The following OR2L13 variants were observed in gnomAD, a reference collection of about 807,000 sequenced individuals.
The protein encoded by OR2L13 is olfactory receptor 2L13.
OR2L13 carries 14 observed loss-of-function variants against 15.3 expected under a neutral mutation model. The observed-to-expected ratio is 0.91, with a 90% CI of 0.60 to 1.43. The LOEUF (loss-of-function observed/expected upper bound fraction) is 1.43. Among genes scored for constraint, OR2L13 ranks in the 40% most tolerant of loss-of-function variants. The pLI is 0.00. For missense variants in OR2L13, 367 were observed against 387.9 expected, an observed-to-expected ratio of 0.95 and a Z score of 0.45; for synonymous variants, 152 against 142.9, an observed-to-expected ratio of 1.06 and a Z score of -0.45.
At chr1:247,990,330 A>C in the OR2L13 span, 1 of 1,400,922 alleles carries the variant, frequency 7.1e-7, no homozygotes, top group African/African-American at 1.4e-5. Context: ...ACCACCAAAA[A>C]TTGGCCATTT....
chr1:247,973,802 A>T, the OR2L13 span, among the ~76,000 whole-genome samples: 1 of 152,200 alleles, frequency 6.6e-6, no homozygotes, highest in Non-Finnish European at 1.5e-5. Context: ...GCAAGTGGAG[A>T]AATAGGAAAG....
At chr1:247,964,914 G>T in the OR2L13 span, among the ~76,000 whole-genome samples, 1 of 148,838 alleles carries the variant, frequency 6.7e-6, no homozygotes, top group Non-Finnish European at 1.5e-5. Flanking sequence ...AAATACACAT[G>T]AGTAATATGT....
chr1:247,971,440 G>C, the OR2L13 span, among the ~76,000 whole-genome samples: 2 of 152,120 alleles, frequency 1.3e-5, no homozygotes, highest in Non-Finnish European at 2.9e-5. Flanking sequence ...CAGCCAATTT[G>C]TTATAGTTTA....
the OR2L13 span, among the ~76,000 whole-genome samples, chr1:248,081,427 T>C: frequency 1.3e-5 from 2 of 152,160 alleles, no homozygotes; most frequent in Admixed American, 1.3e-4. Context: ...CGCCTGTATA[T>C]TAGGCTTAAT....
the OR2L13 span, among the ~76,000 whole-genome samples, chr1:248,006,729 C>T: frequency 1.3e-5 from 2 of 152,020 alleles, no homozygotes; most frequent in Non-Finnish European, 2.9e-5. Flanking sequence ...AAGATTTGTG[C>T]CTTTCTAAAG....
chr1:248,004,117 G>C, the OR2L13 span: 5 of 1,445,592 alleles, frequency 3.5e-6, no homozygotes, highest in Non-Finnish European at 3.8e-6. Context: ...CATCCATTCA[G>C]CAGTGTATAG....
the OR2L13 span, among the ~76,000 whole-genome samples, chr1:248,064,958 T>C: frequency 6.6e-6 from 1 of 152,210 alleles, no homozygotes; most frequent in South Asian, 2.1e-4. Context: ...CCCACTGACA[T>C]AGTATCTGTA....
the OR2L13 span, chr1:248,023,275 TA>T: frequency 0.031 from 4,786 of 156,094 alleles, 227 homozygotes; most frequent in African/African-American, 0.11. Context: ...AATTGAATAT[TA>T]AATAATATTT....
the OR2L13 span, among the ~76,000 whole-genome samples, chr1:248,028,225 C>T: frequency 9.3e-5 from 14 of 149,894 alleles, no homozygotes; most frequent in Admixed American, 9.3e-4. Context: ...CTTCCTCCTT[C>T]AGCTGACCTA....
At chr1:248,004,335 G>A in the OR2L13 span, among the ~76,000 whole-genome samples, 7 of 152,146 alleles carry the variant, frequency 4.6e-5, no homozygotes, top group Admixed American at 4.6e-4. Context: ...TTTTAGTTAT[G>A]CAGAAATGGA....
the OR2L13 span, among the ~76,000 whole-genome samples, chr1:247,970,506 C>T: frequency 1.3e-5 from 2 of 152,032 alleles, no homozygotes; most frequent in African/African-American, 4.8e-5. Flanking sequence ...GATTTTTCCC[C>T]CTTTCTTTTG....
chr1:248,015,763 CCCTT>C, the OR2L13 span, among the ~76,000 whole-genome samples: 1 of 152,176 alleles, frequency 6.6e-6, no homozygotes, highest in African/African-American at 2.4e-5. Context: ...ACCCTTATCT[CCCTT>C]CCTATTTTTT....
chr1:248,065,778 A>T, the OR2L13 span, among the ~76,000 whole-genome samples: 1 of 152,078 alleles, frequency 6.6e-6, no homozygotes, highest in South Asian at 2.1e-4. Context: ...AGAGTGAAGG[A>T]GTGAATTACA....
the OR2L13 span, among the ~76,000 whole-genome samples, chr1:247,941,218 G>A: frequency 3.4e-3 from 512 of 152,218 alleles, 2 homozygotes; most frequent in African/African-American, 0.011. Flanking sequence ...TCTGTTGGTA[G>A]TTTCTTTTGC....
At chr1:248,060,737 C>T in the OR2L13 span, 3 of 1,614,050 alleles carry the variant, frequency 1.9e-6, no homozygotes, top group South Asian at 2.2e-5. Context: ...TTCTTCCCAC[C>T]ATCAAGAATT....
the OR2L13 span, among the ~76,000 whole-genome samples, chr1:248,081,409 G>T: frequency 6.6e-6 from 1 of 152,068 alleles, no homozygotes; most frequent in Admixed American, 6.5e-5. Context: ...CGTCGTTGCT[G>T]TAGCTTTCGC....
the OR2L13 span, among the ~76,000 whole-genome samples, chr1:248,059,566 G>A: frequency 6.6e-6 from 1 of 152,188 alleles, no homozygotes; most frequent in African/African-American, 2.4e-5. Flanking sequence ...TGAAAATCAA[G>A]AGCGTGAATT....
the OR2L13 span, among the ~76,000 whole-genome samples, chr1:248,005,931 A>C: frequency 6.6e-6 from 1 of 152,168 alleles, no homozygotes; most frequent in Non-Finnish European, 1.5e-5. Flanking sequence ...TGAGCAGCGT[A>C]TATTTTTATT....
At chr1:248,007,264 T>G in the OR2L13 span, among the ~76,000 whole-genome samples, 1 of 152,162 alleles carries the variant, frequency 6.6e-6, no homozygotes, top group African/African-American at 2.4e-5. Flanking sequence ...TAGGCAATGG[T>G]GATCCTATTT....
Sources: allele counts gnomAD v4.1 joint callset (sites outside exome capture counted in the v4.1 genomes callset), GRCh38; gene constraint gnomAD v4.1.1; transcripts MANE v1.5; gene names NCBI Gene and HGNC (gene_info 2026-07-23, HGNC 2026-07-21).